Variants in CEP20 observed in about 807,000 individuals in gnomAD.
CEP20 encodes the protein centrosomal protein 20, also known as FGFR1OP N-terminal like.
In CEP20, 18 loss-of-function variants were observed where a neutral mutation model predicts 20.0. The observed-to-expected ratio is 0.90, with a 90% CI of 0.62 to 1.34. The LOEUF is 1.34. CEP20 is among the 40% of genes most tolerant of loss of function. CEP20 has a pLI of 0.00. For missense variants in CEP20, 215 were observed against 201.6 expected (o/e 1.07, Z -0.40); for synonymous variants, 77 against 73.7 (o/e 1.04, Z -0.23).
intron 4 of CEP20, 92 bp downstream of exon 4, chr16:15,873,399 C>T: frequency 6.9e-7 from 1 of 1,447,260 alleles, no homozygotes; most frequent in Non-Finnish European, 9.3e-7. Flanking sequence ...TAAACTATGA[C>T]TCAAAAGCTC....
At chr16:15,870,057 G>A (rs1231440621) in intron 4 of CEP20, among the ~76,000 whole-genome samples, 3 of 152,086 alleles carry the variant, frequency 2.0e-5, no homozygotes, top group Non-Finnish European at 4.4e-5. Flanking sequence ...CGTGTGTCTA[G>A]GTGTCTCTTT....
intron 4 of CEP20, among the ~76,000 whole-genome samples, chr16:15,867,785 C>A (rs1336468729): frequency 6.6e-6 from 1 of 151,944 alleles, no homozygotes; most frequent in Non-Finnish European, 1.5e-5. Flanking sequence ...CTAGTCTGGC[C>A]AACATGGTGA....
rs568560013 is a variant in CEP20, at chr16:15,878,600, G to A, written c.311+1204C>T. Among the ~76,000 whole-genome samples the A allele has an allele frequency of 2.8e-4, 43 of 151,820 alleles. 1 individual carries two copies. Among genetic ancestry groups the A allele is most frequent in the African/African-American group, 8.2e-4 (34 of 41,410 alleles). Reference sequence around the variant, plus strand: ...CAACCTCCGCTGCCCAGGTTAAAGCGATTCTCATGCCTGAGCCTCCCTAGC... The same window carrying A: ...CAACCTCCGCTGCCCAGGTTAAAGCAATTCTCATGCCTGAGCCTCCCTAGC... On this transcript the variant is annotated intron_variant, in intron 3 of 4. Transcript: ENST00000255759.
chr16:15,884,348 T>A, intron 1 of CEP20, 143 bp from the exon 2 acceptor site: 1 of 684,364 alleles, frequency 1.5e-6, no homozygotes, highest in Non-Finnish European at 2.4e-6. Flanking sequence ...GACAAATTAT[T>A]AAACAATTAC....
In CEP20 at chr16:15,880,282, A is replaced by G. The variant is rs1334071589; in HGVS notation, c.227-394T>C. Among the ~76,000 whole-genome samples the G allele has an allele frequency of 3.3e-5, 5 of 152,328 alleles. No individual in the cohort carries two copies. In the East Asian group the frequency reaches 9.6e-4, roughly 29 times the overall value. ...AGTGTGGGGCAGCTGGAACTTTCAC[A>G]CTTTGCTGGTGGGAAAGCACAATGG... On this transcript the variant is annotated intron_variant, in intron 2 of 4. Coordinates refer to ENST00000255759, the MANE Select transcript of CEP20 (RefSeq NM_144600.4).
At chr16:15,875,535 C>T (rs2044922988) in intron 3 of CEP20, among the ~76,000 whole-genome samples, 1 of 152,092 alleles carries the variant, frequency 6.6e-6, no homozygotes, top group African/African-American at 2.4e-5. Flanking sequence ...CCTGTGGTCC[C>T]AGCTACTTGG....
intron 3 of CEP20, among the ~76,000 whole-genome samples, chr16:15,879,170 T>C (rs1168411700): frequency 6.6e-6 from 1 of 152,182 alleles, no homozygotes; most frequent in Non-Finnish European, 1.5e-5. Flanking sequence ...AGAGTAATAG[T>C]AACGAAAGCA....
At chr16:15,888,465 C>G (rs746987047) in intron 1 of CEP20, 93 bp downstream of exon 1, 28 of 1,541,262 alleles carry the variant, frequency 1.8e-5, no homozygotes, top group Non-Finnish European at 2.1e-5. Flanking sequence ...AAAAGCCAAC[C>G]CATGTGTTCC....
chr16:15,867,447 T>C lies in CEP20; in HGVS notation c.518A>G (p.Asn173Ser), dbSNP rs747771923. Residue 173 changes from asparagine (N) to serine (S), a missense_variant, in exon 5 of 5, where the codon AAC becomes AGC. Asn to Ser is a conservative substitution (Grantham distance 46). Coordinates refer to ENST00000255759, the MANE Select transcript of CEP20 (RefSeq NM_144600.4). Reference sequence around the variant, plus strand: ...GATACCCCAAACAAAGCATTATCTGTTGACTGCCTGAGAAACATGAAGATC... The same window carrying C: ...GATACCCCAAACAAAGCATTATCTGCTGACTGCCTGAGAAACATGAAGATC... ...IEDLHVSQAVNR is the reference protein window; with the variant it reads ...IEDLHVSQAVSR 132 of 1,596,412 alleles carry C rather than the reference T, an allele frequency of 8.3e-5. No homozygotes were observed. The highest frequency in any genetic ancestry group is 9.9e-5 in the Non-Finnish European group (116 of 1,169,858).
intron 1 of CEP20, chr16:15,884,969 A>G (rs1351570713): frequency 6.6e-6 from 1 of 152,070 alleles, no homozygotes; most frequent in Non-Finnish European, 1.5e-5. Flanking sequence ...ATGATTAAAG[A>G]AAACAACTAC....
intron 2 of CEP20, 78 bp from the exon 3 acceptor site, chr16:15,879,966 AC>A: frequency 1.1e-6 from 1 of 935,780 alleles, no homozygotes; most frequent in South Asian, 1.5e-5. Flanking sequence ...AATCACATTT[AC>A]CAGACATACA....
At chr16:15,884,262 C>A in intron 1 of CEP20, 57 bp from the exon 2 acceptor site, 1 of 1,492,310 alleles carries the variant, frequency 6.7e-7, no homozygotes, top group Non-Finnish European at 9.1e-7. Flanking sequence ...CATTCTTAGG[C>A]ATACTTTGAA....
In CEP20 at chr16:15,866,871, C is replaced by T. The variant is rs1003018081; in HGVS notation, c.*569G>A. 2 of 152,236 alleles carry T rather than the reference C, an allele frequency of 1.3e-5. No homozygotes were observed. Among genetic ancestry groups the T allele is most frequent in the African/African-American group, 2.4e-5 (1 of 41,446 alleles). The allele number at this position is 152,236 out of a possible 1,614,324, so 9.4% of individuals were successfully genotyped here. ...ATTGTTGCCTATTGAAAAGGTAATACAAAGCCCTTTCATTTCCTTACAAAC... is the reference window on the plus strand; with the variant it reads ...ATTGTTGCCTATTGAAAAGGTAATATAAAGCCCTTTCATTTCCTTACAAAC... On this transcript the variant is annotated 3_prime_UTR_variant, in exon 5 of 5. Coordinates refer to ENST00000255759, the MANE Select transcript of CEP20 (RefSeq NM_144600.4).
intron 2 of CEP20, among the ~76,000 whole-genome samples, chr16:15,882,771 CTATCTATCT>C (rs1295042939): frequency 2.9e-3 from 225 of 77,946 alleles, no homozygotes; most frequent in East Asian, 9.1e-3. Flanking sequence ...ATCTATCTAT[CTATCTATCT>C]AGATACACAC....
intron 3 of CEP20, 56 bp downstream of exon 3, chr16:15,879,748 T>C (rs12597051): frequency 0.057 from 55,238 of 963,298 alleles, 2,193 homozygotes; most frequent in East Asian, 0.19. Context: ...AAAACCACCA[T>C]GGTGCAATTA....
chr16:15,873,369 A>G (rs2044867104), intron 4 of CEP20, 122 bp downstream of exon 4: 2 of 1,183,282 alleles, frequency 1.7e-6, no homozygotes, highest in Non-Finnish European at 2.3e-6. Context: ...TAGGCTAGAC[A>G]TATTAGATAT....
At chr16:15,871,224 C>G (rs953193896) in intron 4 of CEP20, among the ~76,000 whole-genome samples, 8 of 151,324 alleles carry the variant, frequency 5.3e-5, no homozygotes, top group African/African-American at 9.7e-5. Flanking sequence ...CCATTGCACT[C>G]CAGCCTGGGT....
chr16:15,881,365 T>A (rs2045093503), intron 2 of CEP20, among the ~76,000 whole-genome samples: 1 of 152,184 alleles, frequency 6.6e-6, no homozygotes, highest in Non-Finnish European at 1.5e-5. Flanking sequence ...GTAACTGGTA[T>A]CATACAGCCA....
chr16:15,881,206 T>A (rs1477196093), intron 2 of CEP20, among the ~76,000 whole-genome samples: 2 of 152,122 alleles, frequency 1.3e-5, no homozygotes, highest in Admixed American at 1.3e-4. Flanking sequence ...CTGTACAGTT[T>A]AAAAGGTAAA....
Sources: gnomAD v4.1 joint callset for allele counts (sites outside exome capture counted in the v4.1 genomes callset) on GRCh38, gnomAD v4.1.1 for gene constraint, MANE v1.5 for transcripts, NCBI Gene and HGNC (gene_info 2026-07-23, HGNC 2026-07-21) for gene names.